CFAP43: variants seen among roughly 807,000 people sequenced by gnomAD.
CFAP43 encodes the protein cilia- and flagella-associated protein 43.
CFAP43 carries 155 observed loss-of-function variants against 218.9 expected under a neutral mutation model. That is an observed-to-expected ratio of 0.71 (90% CI 0.62 to 0.81). CFAP43 has a LOEUF of 0.81. Among genes scored for constraint, CFAP43 ranks in the 30% least tolerant of loss-of-function variants. The pLI, the probability that CFAP43 is intolerant of heterozygous loss-of-function variation, is 0.00. For synonymous variants in CFAP43, 645 were observed against 681.3 expected, an observed-to-expected ratio of 0.95 and a Z score of 0.83; for missense variants, 1,778 against 1,954.3, an observed-to-expected ratio of 0.91 and a Z score of 1.70.
chr10:104,185,159 G>T lies in CFAP43; in HGVS notation c.2011-13C>A. 6.2e-7 allele frequency: 1 copy of T among 1,612,914 alleles called. No homozygotes were observed. The highest frequency in any genetic ancestry group is 2.2e-5 in the East Asian group (1 of 44,780). Reference sequence around the variant, plus strand: ...AAGCAAATGTTTCCTCAATAGTTAAGAAATAAACCAGAAAAATTACAAATG... The same window carrying T: ...AAGCAAATGTTTCCTCAATAGTTAATAAATAAACCAGAAAAATTACAAATG... On this transcript the variant is annotated splice_polypyrimidine_tract_variant and intron_variant, in intron 15 of 37. Coordinates refer to ENST00000357060, the MANE Select transcript of CFAP43 (RefSeq NM_025145.7).
chr10:104,155,765 T>A (rs1564731402), intron 27 of CFAP43, among the ~76,000 whole-genome samples: 2 of 151,880 alleles, frequency 1.3e-5, no homozygotes, highest in Non-Finnish European at 2.9e-5. Context: ...AAGGATACAG[T>A]GTGTCAAGGA....
At chr10:104,230,880 T>C in intron 1 of CFAP43, 37 bp from the exon 2 acceptor site, 1 of 1,533,588 alleles carries the variant, frequency 6.5e-7, no homozygotes, top group Non-Finnish European at 8.7e-7. Flanking sequence ...ATATAATACA[T>C]TTCAAATACT....
chr10:104,201,642 G>A (rs1463656066), intron 8 of CFAP43, among the ~76,000 whole-genome samples: 2 of 150,802 alleles, frequency 1.3e-5, no homozygotes, highest in Non-Finnish European at 2.9e-5. Flanking sequence ...TTGTTATTTG[G>A]GATTTTAGTT....
chr10:104,172,729 T>C (rs752537993), intron 19 of CFAP43, among the ~76,000 whole-genome samples, 194 bp from the exon 20 acceptor site: 2 of 152,224 alleles, frequency 1.3e-5, no homozygotes, highest in Admixed American at 1.3e-4. Context: ...TTAAAAACTC[T>C]TTCATTTAAT....
At chr10:104,195,063 G>A (rs2090345845) in intron 10 of CFAP43, among the ~76,000 whole-genome samples, 1 of 152,218 alleles carries the variant, frequency 6.6e-6, no homozygotes, top group Non-Finnish European at 1.5e-5. Flanking sequence ...GTCTGAAAAT[G>A]TACAGCAAGG....
rs779245486 is a variant in CFAP43, at chr10:104,207,832, G to A, written c.736-8C>T. The A allele has an allele frequency of 1.2e-6, 2 of 1,609,104 alleles. No individual in the cohort carries two copies. The highest frequency in any genetic ancestry group is 2.2e-5 in the East Asian group (1 of 44,808). ...ATATAGATCATCTTTCGGCTTCAGG[G>A]AGAGAATAAAACCTTGTGTTAAGAA... On this transcript the variant is annotated splice_region_variant and splice_polypyrimidine_tract_variant and intron_variant, in intron 5 of 37. Transcript: ENST00000357060.
At chr10:104,149,369 T>C (rs1054321539) in intron 28 of CFAP43, among the ~76,000 whole-genome samples, 6 of 152,218 alleles carry the variant, frequency 3.9e-5, no homozygotes, top group African/African-American at 1.4e-4. Flanking sequence ...TTAGTTTCCC[T>C]TTTCACTTAT....
rs1164312153 is a variant in CFAP43, at chr10:104,172,336, A to G, written c.2586+74T>C. ...TTTGTCATATTCACATTATTATGAA[A>G]AAGTTCCCATTCCTATTATCTTTTT... On this transcript the variant is annotated intron_variant, in intron 20 of 37. Coordinates refer to ENST00000357060, the MANE Select transcript of CFAP43 (RefSeq NM_025145.7). The G allele has an allele frequency of 2.6e-6, 4 of 1,547,138 alleles. No individual in the cohort carries two copies. In the East Asian group the frequency reaches 9.2e-5, roughly 36 times the overall value.
At chr10:104,137,864 A>T (rs1286057926) in intron 34 of CFAP43, among the ~76,000 whole-genome samples, 2 of 152,150 alleles carry the variant, frequency 1.3e-5, no homozygotes, top group Non-Finnish European at 2.9e-5. Context: ...TAGCTGCACA[A>T]CTTTGCGATG....
intron 2 of CFAP43, among the ~76,000 whole-genome samples, chr10:104,228,056 A>G (rs747305594): frequency 1.3e-5 from 2 of 151,700 alleles, no homozygotes; most frequent in African/African-American, 4.8e-5. Context: ...GTTGGCCAGG[A>G]TGGTCTTGAT....
intron 25 of CFAP43, 59 bp downstream of exon 25, chr10:104,162,258 G>A: frequency 6.6e-7 from 1 of 1,511,034 alleles, no homozygotes. Context: ...ACCAAACTAG[G>A]AAGCAGTATC....
chr10:104,188,297 A>G lies in CFAP43; in HGVS notation c.1660T>C (p.Phe554Leu). 1 of 1,614,134 alleles carries G rather than the reference A, an allele frequency of 6.2e-7. No individual in the cohort carries two copies. The highest frequency in any genetic ancestry group is 8.5e-7 in the Non-Finnish European group (1 of 1,179,994). The change falls in exon 13 of 38, where the codon TTC becomes CTC. Residue 554 changes from phenylalanine to leucine, a missense_variant. This residue lies in a region of CFAP43 where 1,553 missense variants were observed against 1,685.2 expected (regional missense o/e 0.92). Transcript: ENST00000357060. ...PEAGRSRLEM[F>L]TLPTLLPQVS... Reference sequence around the variant, plus strand: ...TGTGGCAGTAATGTAGGCAGTGTGAACATCTCCAACCTGCTTCTCCCTGCT... The same window carrying G: ...TGTGGCAGTAATGTAGGCAGTGTGAGCATCTCCAACCTGCTTCTCCCTGCT...
intron 5 of CFAP43, among the ~76,000 whole-genome samples, chr10:104,211,012 C>T (rs537675335): frequency 2.2e-4 from 33 of 151,918 alleles, no homozygotes; most frequent in African/African-American, 6.5e-4. Context: ...AGGATGATCT[C>T]GATCTCCTGA....
intron 11 of CFAP43, chr10:104,193,215 C>T (rs2090281633): frequency 1.3e-5 from 2 of 152,040 alleles, no homozygotes; most frequent in Non-Finnish European, 2.9e-5. Context: ...CATTAATATA[C>T]CGTTTTTAAA....
chr10:104,168,652 T>C, intron 21 of CFAP43, 92 bp downstream of exon 21: 1 of 1,038,786 alleles, frequency 9.6e-7, no homozygotes, highest in Non-Finnish European at 1.5e-6. Flanking sequence ...TGCTTTGCTA[T>C]GCCTGAATTT....
intron 2 of CFAP43, among the ~76,000 whole-genome samples, chr10:104,229,236 A>C (rs1222979893): frequency 6.6e-6 from 1 of 152,188 alleles, no homozygotes; most frequent in African/African-American, 2.4e-5. Flanking sequence ...GACCCTTAAG[A>C]CTACAGAGCT....
chr10:104,162,109 G>A (rs2088906733), intron 25 of CFAP43, 68 bp from the exon 26 acceptor site: 6 of 1,495,124 alleles, frequency 4.0e-6, no homozygotes, highest in Non-Finnish European at 5.5e-6. Context: ...GGCTCCAGAG[G>A]CAGCTTCCCA....
chr10:104,141,897 A>G (rs546293029), intron 33 of CFAP43, among the ~76,000 whole-genome samples: 6 of 152,188 alleles, frequency 3.9e-5, no homozygotes, highest in Non-Finnish European at 7.3e-5. Context: ...AAAGAAAAAT[A>G]TATCAGTTGG....
intron 3 of CFAP43, among the ~76,000 whole-genome samples, chr10:104,215,271 A>T (rs1031540150): frequency 4.6e-5 from 7 of 152,206 alleles, no homozygotes; most frequent in Non-Finnish European, 1.0e-4. Context: ...TAGATGAAGG[A>T]AAAGAAAAAA....
Sources: allele counts gnomAD v4.1 joint callset (sites outside exome capture counted in the v4.1 genomes callset), GRCh38; gene constraint gnomAD v4.1.1; regional missense constraint gnomAD v4.1.1; transcripts MANE v1.5; gene names NCBI Gene and HGNC (gene_info 2026-07-23, HGNC 2026-07-21).